ZFPM1: variants seen among roughly 807,000 people sequenced by gnomAD.
The protein encoded by ZFPM1 is zinc finger protein, FOG family member 1.
ZFPM1 carries 28 observed loss-of-function variants against 46.3 expected under a neutral mutation model. That is an observed-to-expected ratio of 0.60 (90% confidence interval 0.45 to 0.83). The LOEUF (loss-of-function observed/expected upper bound fraction) is 0.83. Ranked by LOEUF, ZFPM1 falls within the 40% of genes least tolerant of loss-of-function variation. ZFPM1 has a pLI of 0.00. For synonymous variants in ZFPM1, 957 were observed against 675.9 expected, an observed-to-expected ratio of 1.42 and a Z score of -6.45; for missense variants, 1,878 against 1,432.4, an observed-to-expected ratio of 1.31 and a Z score of -5.02.
rs2142330192 is a variant in ZFPM1, at chr16:88,453,559, G to C, written c.-80G>C. On this transcript the variant is annotated 5_prime_UTR_variant, in exon 1 of 10. Transcript: ENST00000319555. The stretch of plus-strand genomic sequence containing the variant: ...GGCCGGGGGCATGAGCGGCCCCGCG[G>C]CCCCGCCGCGCCCCCGCCGCCCGCC... 1.3e-6 allele frequency: 1 copy of C among 771,908 alleles called. No individual in the cohort carries two copies. The highest frequency in any genetic ancestry group is 5.7e-5 in the South Asian group (1 of 17,650). 47.8% of individuals were successfully genotyped at this position (771,908 alleles called of 1,614,324 possible).
chr16:88,503,773 G>A lies in ZFPM1; in HGVS notation c.269-10614G>A, dbSNP rs573196718. Among the ~76,000 whole-genome samples the A allele has an allele frequency of 5.7e-3, 875 of 152,306 alleles. 5 individuals are homozygous for A. The highest frequency in any genetic ancestry group is 0.01 in the Non-Finnish European group (690 of 68,010). ...ACTCACATGGGGCTGGGCTCACCCC[G>A]GGGCACAGGCCCTGTACCCCAGTTA... is the stretch of plus-strand genomic sequence containing the variant. On this transcript the variant is annotated intron_variant, in intron 3 of 9. Coordinates refer to ENST00000319555, the MANE Select transcript of ZFPM1 (RefSeq NM_153813.3).
chr16:88,463,596 T>G (rs1350258901), intron 1 of ZFPM1, among the ~76,000 whole-genome samples: 1 of 152,250 alleles, frequency 6.6e-6, no homozygotes, highest in Non-Finnish European at 1.5e-5. Flanking sequence ...AGTGTGCAGA[T>G]GGGGAAACTG....
intron 1 of ZFPM1, among the ~76,000 whole-genome samples, chr16:88,454,462 A>T (rs1907444980): frequency 6.6e-6 from 1 of 152,156 alleles, no homozygotes; most frequent in African/African-American, 2.4e-5. Flanking sequence ...ACCCCCTGGC[A>T]TCCCAATGGG....
rs557235929 is a variant in ZFPM1 at position 88,494,791 on chromosome 16, G to A, written c.268+5638G>A. On this transcript the variant is annotated intron_variant, in intron 3 of 9. Coordinates refer to ENST00000319555, the MANE Select transcript of ZFPM1 (RefSeq NM_153813.3). ...AGCCGGCAGGAGGAGAGAAGGGCTGGGGTCTGAGCGTGATCCCAGAAGTGG... is the reference window on the plus strand; with the variant it reads ...AGCCGGCAGGAGGAGAGAAGGGCTGAGGTCTGAGCGTGATCCCAGAAGTGG... Among the ~76,000 whole-genome samples the A allele has an allele frequency of 3.9e-5, 6 of 152,248 alleles. No homozygotes were observed. In the South Asian group the frequency reaches 1.2e-3, roughly 32 times the overall value.
intron 4 of ZFPM1, chr16:88,516,532 A>G (rs1911309122): frequency 5.0e-6 from 2 of 398,526 alleles, no homozygotes; most frequent in Admixed American, 4.4e-5. Flanking sequence ...GCAGAATTAA[A>G]TCCTTGATTA....
intron 1 of ZFPM1, among the ~76,000 whole-genome samples, chr16:88,454,521 G>T (rs898314696): frequency 6.6e-6 from 1 of 152,280 alleles, no homozygotes; most frequent in South Asian, 2.1e-4. Flanking sequence ...CCGGGCCGGG[G>T]TCGCCCCTGC....
chr16:88,517,346 ATGGATGGGTGGG>A (rs147034772), intron 4 of ZFPM1, among the ~76,000 whole-genome samples: 1,557 of 142,364 alleles, frequency 0.011, 37 homozygotes, highest in African/African-American at 0.039. Context: ...AGGTGGGTGG[ATGGATGGGTGGG>A]TGGATAATGG....
Position 88,533,647 on chromosome 16 carries a change from C to A in ZFPM1, c.1689C>A (p.Gly563=), listed in dbSNP as rs764010767. 19 of 1,463,806 alleles carry A rather than the reference C, an allele frequency of 1.3e-5. No homozygotes were observed. Among genetic ancestry groups the A allele is most frequent in the Non-Finnish European group, 1.5e-5 (17 of 1,105,302 alleles). 90.7% of individuals were successfully genotyped at this position (1,463,806 alleles called of 1,614,324 possible). A position where few individuals can be genotyped will look rare whatever the true frequency, so the allele number is the denominator to read the frequency against. The change falls in exon 10 of 10, where the codon GGC becomes GGA. Residue 563 remains glycine (G), a synonymous_variant. Coordinates refer to ENST00000319555, the MANE Select transcript of ZFPM1 (RefSeq NM_153813.3). ...AGCAGGGCGCGGGCGCGGGCGCCGG[C>A]GGCGCGCAGACCGGGCTCTTCCCCG... ...RLQQGAGAGA[G]GAQTGLFPGA... is the part of the protein sequence containing the mutation.
chr16:88,454,740 G>A (rs1189774935), intron 1 of ZFPM1, among the ~76,000 whole-genome samples: 1 of 152,226 alleles, frequency 6.6e-6, no homozygotes, highest in Non-Finnish European at 1.5e-5. Flanking sequence ...CACAGTTAGG[G>A]CCCAGACGCA....
intron 3 of ZFPM1, among the ~76,000 whole-genome samples, chr16:88,492,038 T>G (rs1377232152): frequency 6.6e-6 from 1 of 152,148 alleles, no homozygotes; most frequent in East Asian, 1.9e-4. Context: ...CATCTCTGCC[T>G]TCTGTCTCCA....
In ZFPM1 at chr16:88,483,029, G is replaced by A. The variant is rs930856669; in HGVS notation, c.41-2910G>A. Among the ~76,000 whole-genome samples the A allele has an allele frequency of 9.9e-5, 15 of 152,156 alleles. 1 individual carries two copies. The highest frequency in any genetic ancestry group is 6.2e-4 in the South Asian group (3 of 4,830). On this transcript the variant is annotated intron_variant, in intron 1 of 9. Transcript: ENST00000319555. ...CTGTCCCAGGGGCAGGAGTTGAACC[G>A]GTCAGGGGTGGCCCAGCCTGCCCTG... is the stretch of plus-strand genomic sequence containing the variant.
intron 1 of ZFPM1, among the ~76,000 whole-genome samples, chr16:88,463,752 G>C (rs367823499): frequency 2.6e-5 from 4 of 152,214 alleles, no homozygotes; most frequent in African/African-American, 9.6e-5. Flanking sequence ...CCCTGCTCCC[G>C]CTGGGCCAGG....
chr16:88,498,872 C>G (rs1173951405), intron 3 of ZFPM1, among the ~76,000 whole-genome samples: 1 of 152,202 alleles, frequency 6.6e-6, no homozygotes, highest in Non-Finnish European at 1.5e-5. Flanking sequence ...CTTGGCTGCC[C>G]CTGGCCCTGA....
At chr16:88,527,715 G>A (rs7198952) in intron 5 of ZFPM1, among the ~76,000 whole-genome samples, 1 of 151,718 alleles carries the variant, frequency 6.6e-6, no homozygotes, top group African/African-American at 2.4e-5. Flanking sequence ...TCTGGCTGCC[G>A]TCCCTGAGTG....
At chr16:88,516,781 T>C (rs559368669) in intron 4 of ZFPM1, 1 of 391,620 alleles carries the variant, frequency 2.6e-6, no homozygotes, top group African/African-American at 2.1e-5. Flanking sequence ...CTGCTGCCAG[T>C]TTTTCTTCTC....
Position 88,536,924 on chromosome 16 carries a change from G to C in ZFPM1, c.*1945G>C, listed in dbSNP as rs1913267915. 1.3e-5 allele frequency: 2 copies of C among 152,244 alleles called. No homozygotes were observed. The highest frequency in any genetic ancestry group is 6.5e-5 in the Admixed American group (1 of 15,280). The allele number at this position is 152,244 out of a possible 1,614,324, so 9.4% of individuals were successfully genotyped here. A position where few individuals can be genotyped will look rare whatever the true frequency, so the allele number is the denominator to read the frequency against. ...GGCTCTGCCCCCAAGTCCTCCCCAGGTGCGGGCGCAGGGTACAAGATGTTC... is the reference window on the plus strand; with the variant it reads ...GGCTCTGCCCCCAAGTCCTCCCCAGCTGCGGGCGCAGGGTACAAGATGTTC... On this transcript the variant is annotated 3_prime_UTR_variant, in exon 10 of 10. Coordinates refer to ENST00000319555, the MANE Select transcript of ZFPM1 (RefSeq NM_153813.3).
At chr16:88,487,411 G>C (rs987527367) in intron 2 of ZFPM1, among the ~76,000 whole-genome samples, 5 of 152,244 alleles carry the variant, frequency 3.3e-5, no homozygotes, top group African/African-American at 1.2e-4. Context: ...GACCATTTGG[G>C]AGGATGCTAG....
intron 1 of ZFPM1, among the ~76,000 whole-genome samples, chr16:88,454,809 C>G (rs1468431819): frequency 6.6e-6 from 1 of 152,150 alleles, no homozygotes; most frequent in Non-Finnish European, 1.5e-5. Context: ...TGAGCCCTGC[C>G]AGGAGGCCAC....
At chr16:88,514,333 G>A (rs1911149354) in intron 3 of ZFPM1, 54 bp from the exon 4 acceptor site, 1 of 1,547,258 alleles carries the variant, frequency 6.5e-7, no homozygotes, top group Non-Finnish European at 8.7e-7. Context: ...GCGGGAGGTG[G>A]GCTGGACAGG....
Sources: gnomAD v4.1 joint callset for allele counts (sites outside exome capture counted in the v4.1 genomes callset) on GRCh38, gnomAD v4.1.1 for gene constraint, MANE v1.5 for transcripts, NCBI Gene and HGNC (gene_info 2026-07-23, HGNC 2026-07-21) for gene names.